XYLT1: variants seen among roughly 807,000 people sequenced by gnomAD.
XYLT1 encodes the protein beta-D-xylosyltransferase 1.
Under a neutral mutation model 91.3 loss-of-function variants are expected in XYLT1, and 36 were observed. The observed-to-expected ratio is 0.39, with a 90% CI of 0.30 to 0.52. The LOEUF is 0.52. Ranked by LOEUF, XYLT1 falls within the 20% of genes least tolerant of loss-of-function variation. The pLI, the probability that XYLT1 is intolerant of heterozygous loss-of-function variation, is 0.68. For missense variants in XYLT1, 1,242 were observed against 1,284.5 expected (o/e 0.97, Z 0.51); for synonymous variants, 588 against 532.0 (o/e 1.11, Z -1.45).
At chr16:17,246,163 C>T (rs2033432714) in intron 3 of XYLT1, among the ~76,000 whole-genome samples, 1 of 152,186 alleles carries the variant, frequency 6.6e-6, no homozygotes, top group Non-Finnish European at 1.5e-5. Context: ...ATGTGTAATT[C>T]TGGGTAAGTT....
rs977152224 is a variant in XYLT1, at chr16:17,175,949, T to G, written c.1290-17040A>C. Among the ~76,000 whole-genome samples the G allele has an allele frequency of 3.3e-5, 5 of 152,226 alleles. No homozygotes were observed. The Middle Eastern group carries it at 0.01, about 311-fold the overall frequency. On this transcript the variant is annotated intron_variant, in intron 5 of 11. Transcript: ENST00000261381. ...TGGTGGTGAAATCTGAAAACGTCTC[T>G]AGGTGAAAAGACATTAAGTAAAGAC...
chr16:17,325,692 G>A lies in XYLT1; in HGVS notation c.402+32320C>T, dbSNP rs2141833718. Among the ~76,000 whole-genome samples, 3 of 152,270 alleles carry A rather than the reference G, an allele frequency of 2.0e-5. No homozygotes were observed. In the Middle Eastern group the frequency reaches 0.01, roughly 518 times the overall value. On this transcript the variant is annotated intron_variant, in intron 2 of 11. Coordinates refer to ENST00000261381, the MANE Select transcript of XYLT1 (RefSeq NM_022166.4). ...CAACCGTGGGAATATATTGCCTTAT[G>A]AGTGGGGGAAAAAATTCCATTCAAA...
chr16:17,334,904 G>T (rs1028439232), intron 2 of XYLT1, among the ~76,000 whole-genome samples: 4 of 150,126 alleles, frequency 2.7e-5, no homozygotes, highest in African/African-American at 9.8e-5. Flanking sequence ...ACAAAAAAAA[G>T]ATCAACTATT....
chr16:17,343,101 G>C (rs1426887353), intron 2 of XYLT1, among the ~76,000 whole-genome samples: 1 of 152,210 alleles, frequency 6.6e-6, no homozygotes, highest in Non-Finnish European at 1.5e-5. Flanking sequence ...ACAGCAGCCT[G>C]GTTGTCTCAG....
Position 17,130,419 on chromosome 16 carries a change from C to A in XYLT1, c.2028-2558G>T, listed in dbSNP as rs147666323. Among the ~76,000 whole-genome samples the A allele has an allele frequency of 1.6e-4, 25 of 152,152 alleles. No homozygotes were observed. In the East Asian group the frequency reaches 4.6e-3, roughly 28 times the overall value. On this transcript the variant is annotated intron_variant, in intron 9 of 11. Transcript: ENST00000261381. The stretch of plus-strand genomic sequence containing the variant: ...CGGGAGTCAAAGGAAGAGAGTGTTT[C>A]CAGAAAGCAGCAGTCCAAAAAATTT...
chr16:17,180,433 G>T (rs1321820559), intron 5 of XYLT1, among the ~76,000 whole-genome samples: 2 of 152,144 alleles, frequency 1.3e-5, no homozygotes, highest in Non-Finnish European at 2.9e-5. Flanking sequence ...CCGGCATCCT[G>T]AAGAGCATGA....
intron 1 of XYLT1, among the ~76,000 whole-genome samples, chr16:17,458,356 G>C (rs2036772002): frequency 6.6e-6 from 1 of 152,298 alleles, no homozygotes; most frequent in South Asian, 2.1e-4. Context: ...GGGGAATAGA[G>C]TACAAATACT....
chr16:17,146,022 A>G (rs958887542), intron 6 of XYLT1, among the ~76,000 whole-genome samples: 7 of 152,150 alleles, frequency 4.6e-5, no homozygotes, highest in Admixed American at 2.0e-4. Context: ...AGAAAAGTCT[A>G]CTGTGATGAG....
chr16:17,194,766 C>T (rs1329772836), intron 5 of XYLT1, among the ~76,000 whole-genome samples: 1 of 152,260 alleles, frequency 6.6e-6, no homozygotes, highest in East Asian at 1.9e-4. Flanking sequence ...CTAATCCCCA[C>T]TCTGCCATGC....
At chr16:17,205,198 T>C (rs960028998) in intron 3 of XYLT1, among the ~76,000 whole-genome samples, 4 of 152,228 alleles carry the variant, frequency 2.6e-5, no homozygotes, top group Non-Finnish European at 4.4e-5. Context: ...AGTAGATAGC[T>C]GTGCTGTGTT....
At chr16:17,190,832 T>C (rs903256918) in intron 5 of XYLT1, among the ~76,000 whole-genome samples, 3 of 152,208 alleles carry the variant, frequency 2.0e-5, no homozygotes, top group Non-Finnish European at 2.9e-5. Flanking sequence ...GTTAATTTTA[T>C]GTTATATAAA....
intron 9 of XYLT1, among the ~76,000 whole-genome samples, chr16:17,130,043 G>A (rs905647518): frequency 6.6e-6 from 1 of 152,214 alleles, no homozygotes; most frequent in Non-Finnish European, 1.5e-5. Flanking sequence ...TTGCTCTTTT[G>A]AGGTCACCAT....
intron 10 of XYLT1, among the ~76,000 whole-genome samples, chr16:17,126,575 A>AG (rs2030267646): frequency 6.6e-6 from 1 of 152,234 alleles, no homozygotes; most frequent in African/African-American, 2.4e-5. Context: ...AGGACTGTCA[A>AG]GGAAAATATA....
At chr16:17,192,162 G>A (rs2032325988) in intron 5 of XYLT1, among the ~76,000 whole-genome samples, 1 of 142,160 alleles carries the variant, frequency 7.0e-6, no homozygotes, top group East Asian at 2.2e-4. Context: ...GCAATGTCAT[G>A]ATCTCAGCTC....
intron 1 of XYLT1, among the ~76,000 whole-genome samples, chr16:17,465,610 G>A (rs571498209): frequency 3.2e-4 from 48 of 148,054 alleles, no homozygotes; most frequent in African/African-American, 1.2e-3. Context: ...ATACCTAAAT[G>A]ACACCTGACA....
chr16:17,148,225 T>C (rs1225962320), intron 6 of XYLT1, among the ~76,000 whole-genome samples: 1 of 152,216 alleles, frequency 6.6e-6, no homozygotes, highest in Non-Finnish European at 1.5e-5. Flanking sequence ...TAGTAAGCGC[T>C]GTTCACCCAA....
chr16:17,383,094 A>G (rs2035701764), intron 1 of XYLT1, among the ~76,000 whole-genome samples: 3 of 151,804 alleles, frequency 2.0e-5, no homozygotes, highest in African/African-American at 7.2e-5. Flanking sequence ...TGGGAGGAGA[A>G]AAGCCAGGCT....
intron 3 of XYLT1, among the ~76,000 whole-genome samples, chr16:17,201,742 C>T (rs538543251): frequency 3.3e-5 from 5 of 152,286 alleles, no homozygotes; most frequent in South Asian, 4.1e-4. Flanking sequence ...TCCCAAAGTG[C>T]TGGGATTACA....
intron 10 of XYLT1, among the ~76,000 whole-genome samples, chr16:17,118,606 C>T (rs2029941604): frequency 6.6e-6 from 1 of 152,132 alleles, no homozygotes; most frequent in South Asian, 2.1e-4. Flanking sequence ...TTCCTTCCTG[C>T]CAGCCAGCTG....
Sources: allele counts gnomAD v4.1 joint callset (sites outside exome capture counted in the v4.1 genomes callset), GRCh38; gene constraint gnomAD v4.1.1; transcripts MANE v1.5; gene names NCBI Gene and HGNC (gene_info 2026-07-23, HGNC 2026-07-21).